Variants in ETV6 observed in about 807,000 individuals in gnomAD.
The protein encoded by ETV6 is ETS variant transcription factor 6.
Under a neutral mutation model 51.1 loss-of-function variants are expected in ETV6, and 16 were observed. The ratio of observed to expected loss-of-function variants is 0.31; its 90% CI spans 0.21 to 0.48. The LOEUF (loss-of-function observed/expected upper bound fraction) is 0.48, where lower values mean the gene tolerates loss of function less well. Among genes scored for constraint, ETV6 ranks in the 20% least tolerant of loss-of-function variants. The probability of loss-of-function intolerance (pLI) is 0.99; values close to 1 mark genes in which losing one functional copy is unlikely to be tolerated. For missense variants in ETV6, 458 were observed against 594.8 expected (o/e 0.77, Z 2.39); for synonymous variants, 240 against 224.1 (o/e 1.07, Z -0.64).
chr12:11,728,187 C>T (rs981431357), intron 1 of ETV6, among the ~76,000 whole-genome samples: 1 of 152,208 alleles, frequency 6.6e-6, no homozygotes, highest in Non-Finnish European at 1.5e-5. Context: ...CTTCTGTCAC[C>T]TGTCTACTCC....
intron 1 of ETV6, among the ~76,000 whole-genome samples, chr12:11,662,862 TGCA>T (rs1864125705): frequency 6.6e-6 from 1 of 152,176 alleles, no homozygotes; most frequent in Non-Finnish European, 1.5e-5. Context: ...ATTATGAGAG[TGCA>T]CTCCCTTTAA....
At chr12:11,762,798 A>C (rs1220036337) in intron 2 of ETV6, among the ~76,000 whole-genome samples, 1 of 152,184 alleles carries the variant, frequency 6.6e-6, no homozygotes, top group African/African-American at 2.4e-5. Flanking sequence ...AGGGGGTGTA[A>C]GATTAGGGAG....
intron 1 of ETV6, among the ~76,000 whole-genome samples, chr12:11,700,610 TATATA>T (rs1864961134): frequency 6.6e-6 from 1 of 152,208 alleles, no homozygotes; most frequent in African/African-American, 2.4e-5. Context: ...TTATATGTAT[TATATA>T]CTATATTCTT....
At chr12:11,847,768 T>C (rs1946486554) in intron 3 of ETV6, among the ~76,000 whole-genome samples, 1 of 152,046 alleles carries the variant, frequency 6.6e-6, no homozygotes, top group Non-Finnish European at 1.5e-5. Context: ...ACAGCTCCCC[T>C]GGGAAGTTTG....
intron 2 of ETV6, among the ~76,000 whole-genome samples, chr12:11,833,309 T>C (rs1424135156): frequency 2.0e-5 from 3 of 152,206 alleles, no homozygotes; most frequent in Non-Finnish European, 4.4e-5. Context: ...TTATCTATGA[T>C]TCAATGATAT....
chr12:11,763,490 C>G (rs998739766), intron 2 of ETV6, among the ~76,000 whole-genome samples: 1 of 152,130 alleles, frequency 6.6e-6, no homozygotes, highest in African/African-American at 2.4e-5. Context: ...GCTTCAGAGA[C>G]CCACAAAAAC....
intron 2 of ETV6, among the ~76,000 whole-genome samples, chr12:11,826,217 G>T (rs1458627999): frequency 6.6e-6 from 1 of 152,100 alleles, no homozygotes; most frequent in Non-Finnish European, 1.5e-5. Flanking sequence ...CTTACGCTCT[G>T]CCCAACCTCA....
chr12:11,693,962 A>C (rs1037832296), intron 1 of ETV6, among the ~76,000 whole-genome samples: 2 of 152,178 alleles, frequency 1.3e-5, no homozygotes, highest in African/African-American at 4.8e-5. Flanking sequence ...TCTCCCTCAA[A>C]CTAGGGAGAT....
intron 2 of ETV6, 85 bp from the exon 3 acceptor site, chr12:11,839,055 A>C: frequency 7.1e-7 from 1 of 1,412,622 alleles, no homozygotes; most frequent in South Asian, 1.4e-5. Context: ...TTTGTTAACT[A>C]TTCAGAGACC....
chr12:11,853,452 G>T lies in ETV6; in HGVS notation c.354G>T (p.Gln118His), dbSNP rs2136490850. 6.2e-7 allele frequency: 1 copy of T among 1,614,164 alleles called. No individual in the cohort carries two copies. Among genetic ancestry groups the T allele is most frequent in the Non-Finnish European group, 8.5e-7 (1 of 1,180,028 alleles). Reference sequence around the variant, plus strand: ...GTGATGTGCTCTATGAACTCCTTCAGCATATTCTGAAGCAGAGGAAACCTC... The same window carrying T: ...GTGATGTGCTCTATGAACTCCTTCATCATATTCTGAAGCAGAGGAAACCTC... ...HSGDVLYELL[Q>H]HILKQRKPRI... The change falls in exon 4 of 8, where the codon CAG becomes CAT. Residue 118 changes from glutamine (Q) to histidine (H), a missense_variant. Coordinates refer to ENST00000396373, the MANE Select transcript of ETV6 (RefSeq NM_001987.5).
At chr12:11,746,924 T>C (rs1455910331) in intron 1 of ETV6, among the ~76,000 whole-genome samples, 2 of 151,914 alleles carry the variant, frequency 1.3e-5, no homozygotes, top group Admixed American at 1.3e-4. Flanking sequence ...GATTTTAGGA[T>C]GTAACCATCC....
rs1947346745 is a variant in ETV6, at chr12:11,893,845, C to CAT, written c.*2800_*2801insTA. ...ATATATATATATATATATATATACA[C>CAT]ACACACACACATACACAAATATTCC... On this transcript the variant is annotated 3_prime_UTR_variant, in exon 8 of 8. Transcript: ENST00000396373. 5 of 115,760 alleles carry CAT rather than the reference C, an allele frequency of 4.3e-5. No individual in the cohort carries two copies. Among genetic ancestry groups the CAT allele is most frequent in the African/African-American group, 2.6e-4 (5 of 19,246 alleles). 7.2% of individuals were successfully genotyped at this position (115,760 alleles called of 1,614,324 possible).
At chr12:11,695,251 A>G (rs1864852734) in intron 1 of ETV6, among the ~76,000 whole-genome samples, 1 of 152,200 alleles carries the variant, frequency 6.6e-6, no homozygotes, top group South Asian at 2.1e-4. Flanking sequence ...TTAGGATTTG[A>G]GAGTTAAATA....
chr12:11,719,454 A>T (rs756867363), intron 1 of ETV6, among the ~76,000 whole-genome samples: 4 of 152,242 alleles, frequency 2.6e-5, no homozygotes, highest in Non-Finnish European at 4.4e-5. Flanking sequence ...TCCCTGAAGG[A>T]CAAGCTCTTG....
At chr12:11,831,968 A>G (rs555476010) in intron 2 of ETV6, among the ~76,000 whole-genome samples, 30 of 152,322 alleles carry the variant, frequency 2.0e-4, no homozygotes, top group African/African-American at 5.8e-4. Flanking sequence ...GATGATGCCA[A>G]TTTATCTTCT....
At chr12:11,850,679 G>T (rs1946540314) in intron 3 of ETV6, among the ~76,000 whole-genome samples, 1 of 152,212 alleles carries the variant, frequency 6.6e-6, no homozygotes, top group Non-Finnish European at 1.5e-5. Context: ...ATCTCACAAG[G>T]TAGATGCCAT....
chr12:11,891,145 GA>G lies in ETV6; in HGVS notation c.*103del. 3.3e-6 allele frequency: 3 copies of G among 901,090 alleles called. No homozygotes were observed. The highest frequency in any genetic ancestry group is 2.5e-5 in the East Asian group (1 of 39,696). The allele number at this position is 901,090 out of a possible 1,614,324, so 55.8% of individuals were successfully genotyped here. ...CGGAGCAGGCGGGCTGAGGAGAGTG[GA>G]AAAGGAAGCGACCCAGAAATGGCAG... On this transcript the variant is annotated 3_prime_UTR_variant, in exon 8 of 8. Transcript: ENST00000396373.
At chr12:11,679,798 G>T (rs1162763225) in intron 1 of ETV6, among the ~76,000 whole-genome samples, 1 of 151,470 alleles carries the variant, frequency 6.6e-6, no homozygotes, top group Non-Finnish European at 1.5e-5. Context: ...AGACTTGCTT[G>T]TTCTTGACTC....
intron 2 of ETV6, among the ~76,000 whole-genome samples, chr12:11,776,494 T>C (rs955812221): frequency 3.3e-5 from 5 of 152,238 alleles, no homozygotes; most frequent in Middle Eastern, 3.4e-3. Flanking sequence ...ATCCTCCTGC[T>C]GTGGCCGCCC....
Sources: allele counts gnomAD v4.1 joint callset (sites outside exome capture counted in the v4.1 genomes callset), GRCh38; gene constraint gnomAD v4.1.1; transcripts MANE v1.5; gene names NCBI Gene and HGNC (gene_info 2026-07-23, HGNC 2026-07-21).